The following NUDT3 variants were observed in gnomAD, a reference collection of about 807,000 sequenced individuals.
The protein encoded by NUDT3 is diphosphoinositol polyphosphate phosphohydrolase 1.
In NUDT3, 9 loss-of-function variants were observed where a neutral mutation model predicts 23.6. That is an observed-to-expected ratio of 0.38 (90% confidence interval 0.23 to 0.66). The LOEUF is 0.66. Ranked by LOEUF, NUDT3 falls within the 30% of genes least tolerant of loss-of-function variation. The pLI, the probability that NUDT3 is intolerant of heterozygous loss-of-function variation, is 0.52. For synonymous variants in NUDT3, 86 were observed against 82.6 expected, an observed-to-expected ratio of 1.04 and a Z score of -0.22; for missense variants, 172 against 218.5, an observed-to-expected ratio of 0.79 and a Z score of 1.34.
rs1034250657 is a variant in NUDT3 at position 34,341,122 on chromosome 6, G to T, written c.210+740C>A. 3.3e-5 allele frequency among the ~76,000 whole-genome samples: 5 copies of T among 152,138 alleles called. No individual in the cohort carries two copies. The South Asian group carries it at 1.0e-3, about 32-fold the overall frequency. The stretch of plus-strand genomic sequence containing the variant: ...CTGGGGCGATAAAGCTTACACAACT[G>T]AGTTATGAGTCCTAAATGAGATAAC... On this transcript the variant is annotated intron_variant, in intron 2 of 4. Coordinates refer to ENST00000607016, the MANE Select transcript of NUDT3 (RefSeq NM_006703.4).
chr6:34,357,003 T>C (rs1764571710), intron 1 of NUDT3, among the ~76,000 whole-genome samples: 1 of 152,070 alleles, frequency 6.6e-6, no homozygotes, highest in African/African-American at 2.4e-5. Flanking sequence ...GGTCTCGATC[T>C]CCTGACCTCG....
At chr6:34,355,113 G>T (rs557269478) in intron 1 of NUDT3, among the ~76,000 whole-genome samples, 1 of 152,070 alleles carries the variant, frequency 6.6e-6, no homozygotes, top group African/African-American at 2.4e-5. Context: ...CCAGTATTAG[G>T]AGGAATGTAT....
intron 2 of NUDT3, among the ~76,000 whole-genome samples, chr6:34,317,095 A>G (rs1358548120): frequency 6.6e-6 from 1 of 152,180 alleles, no homozygotes; most frequent in Non-Finnish European, 1.5e-5. Context: ...GAAAAGAACA[A>G]AAATCAAGGA....
At position 34,332,772 on chromosome 6, in the gene NUDT3, G is replaced by C. The variant is rs147835849; in HGVS notation, c.210+9090C>G. ...ATACCAAGGAATGGCTATACTGTAG[G>C]CACATAATTTTCTCCTCCTGTTTCT... is the stretch of plus-strand genomic sequence containing the variant. On this transcript the variant is annotated intron_variant, in intron 2 of 4. Coordinates refer to ENST00000607016, the MANE Select transcript of NUDT3 (RefSeq NM_006703.4). Among the ~76,000 whole-genome samples the C allele has an allele frequency of 7.2e-4, 110 of 152,234 alleles. No homozygotes were observed. The East Asian group carries it at 0.01, about 14-fold the overall frequency.
chr6:34,359,561 C>T (rs866499034), intron 1 of NUDT3, among the ~76,000 whole-genome samples: 11 of 152,170 alleles, frequency 7.2e-5, no homozygotes, highest in African/African-American at 2.7e-4. Flanking sequence ...TTTCACTTAG[C>T]ATATTTGAAA....
intron 1 of NUDT3, among the ~76,000 whole-genome samples, chr6:34,367,395 T>A (rs1173711032): frequency 6.6e-6 from 1 of 151,594 alleles, no homozygotes; most frequent in African/African-American, 2.4e-5. Context: ...AGCAAGACAA[T>A]TGCTTGAACC....
chr6:34,391,826 T>C (rs1206324573), intron 1 of NUDT3, among the ~76,000 whole-genome samples: 1 of 142,836 alleles, frequency 7.0e-6, no homozygotes, highest in African/African-American at 2.5e-5. Flanking sequence ...AAGTGCACTA[T>C]TTCTCTGCCA....
In NUDT3 at chr6:34,392,435, C is replaced by CGT; in HGVS notation, c.-75_-74dup. 8.9e-7 allele frequency: 1 copy of CGT among 1,129,424 alleles called. No homozygotes were observed. The highest frequency in any genetic ancestry group is 1.6e-5 in the African/African-American group (1 of 62,032). 70.0% of individuals were successfully genotyped at this position (1,129,424 alleles called of 1,614,324 possible). ...GTGGGGAGCCCGCTCTGGACGGCCG[C>CGT]GTGCGCGCGCGCCCCCGGCTCGGCC... On this transcript the variant is annotated 5_prime_UTR_variant, in exon 1 of 5. Coordinates refer to ENST00000607016, the MANE Select transcript of NUDT3 (RefSeq NM_006703.4).
Position 34,283,597 on chromosome 6 carries a change from T to G in NUDT3, c.*5156A>C, listed in dbSNP as rs1373988725. 6.6e-6 allele frequency: 1 copy of G among 152,210 alleles called. No homozygotes were observed. The highest frequency in any genetic ancestry group is 1.5e-5 in the Non-Finnish European group (1 of 68,034). 9.4% of individuals were successfully genotyped at this position (152,210 alleles called of 1,614,324 possible). On this transcript the variant is annotated 3_prime_UTR_variant, in exon 5 of 5. Coordinates refer to ENST00000607016, the MANE Select transcript of NUDT3 (RefSeq NM_006703.4). ...ATTTTCTCAGATGCTCCAACTAGGC[T>G]TCTCACATCCCTCAAAGGTTATCAG...
At chr6:34,289,346 C>T (rs1763382928) in intron 4 of NUDT3, among the ~76,000 whole-genome samples, 2 of 152,224 alleles carry the variant, frequency 1.3e-5, no homozygotes, top group African/African-American at 4.8e-5. Context: ...GTGGGCGGAT[C>T]GCTTGAGCCC....
chr6:34,363,797 T>TAG (rs369056579), intron 1 of NUDT3, among the ~76,000 whole-genome samples: 14,410 of 151,280 alleles, frequency 0.095, 786 homozygotes, highest in Non-Finnish European at 0.12. Context: ...TTTTTTGAGA[T>TAG]AGTCTCGCTC....
intron 1 of NUDT3, among the ~76,000 whole-genome samples, chr6:34,386,736 C>A (rs1765113502): frequency 6.6e-6 from 1 of 152,202 alleles, no homozygotes; most frequent in South Asian, 2.1e-4. Context: ...CCTATCCCAT[C>A]ATAGCTGTGG....
At position 34,310,853 on chromosome 6, in the gene NUDT3, A is replaced by G. The variant is rs911635376; in HGVS notation, c.211-15168T>C. ...CCCAAGGCTGGTTCGATGTTCAATA[A>G]TCAATTAATGTATTCCATCGCATCA... On this transcript the variant is annotated intron_variant, in intron 2 of 4. Transcript: ENST00000607016. Among the ~76,000 whole-genome samples the G allele has an allele frequency of 2.0e-5, 3 of 152,160 alleles. No homozygotes were observed. The East Asian group carries it at 5.8e-4, about 29-fold the overall frequency.
intron 2 of NUDT3, among the ~76,000 whole-genome samples, chr6:34,326,389 T>G (rs915008572): frequency 6.6e-6 from 1 of 152,242 alleles, no homozygotes; most frequent in African/African-American, 2.4e-5. Flanking sequence ...GTTTATCAAT[T>G]TACAGTTTAA....
At chr6:34,290,694 T>C (rs970513103) in intron 4 of NUDT3, among the ~76,000 whole-genome samples, 5 of 149,330 alleles carry the variant, frequency 3.3e-5, no homozygotes, top group African/African-American at 1.2e-4. Context: ...TGTCTTTTTT[T>C]TTAAGACATT....
chr6:34,318,145 G>C (rs117214450), intron 2 of NUDT3, among the ~76,000 whole-genome samples: 1 of 152,162 alleles, frequency 6.6e-6, no homozygotes, highest in East Asian at 1.9e-4. Context: ...CGGAATTTCA[G>C]CAATTCTAAT....
At chr6:34,374,913 C>T (rs1016562852) in intron 1 of NUDT3, among the ~76,000 whole-genome samples, 12 of 152,330 alleles carry the variant, frequency 7.9e-5, no homozygotes, top group African/African-American at 2.9e-4. Context: ...TTATAACATG[C>T]TCTTGAATCA....
At chr6:34,375,804 A>T (rs922058839) in intron 1 of NUDT3, among the ~76,000 whole-genome samples, 2 of 152,306 alleles carry the variant, frequency 1.3e-5, no homozygotes, top group East Asian at 3.9e-4. Context: ...TAACAGTTTT[A>T]TAAAGTCATC....
intron 1 of NUDT3, among the ~76,000 whole-genome samples, chr6:34,372,012 C>G (rs185299052): frequency 2.0e-5 from 3 of 152,246 alleles, no homozygotes; most frequent in Admixed American, 2.0e-4. Flanking sequence ...TCTGTCCTTG[C>G]GATCGTTTGC....
Sources: gnomAD v4.1 joint callset for allele counts (sites outside exome capture counted in the v4.1 genomes callset) on GRCh38, gnomAD v4.1.1 for gene constraint, MANE v1.5 for transcripts, NCBI Gene and HGNC (gene_info 2026-07-23, HGNC 2026-07-21) for gene names.